Variants in ARHGAP26 observed in about 807,000 individuals in gnomAD.
The protein encoded by ARHGAP26 is Rho GTPase activating protein 26, also known as rho GTPase-activating protein 26.
ARHGAP26 carries 38 observed loss-of-function variants against 104.8 expected under a neutral mutation model. That is an observed-to-expected ratio of 0.36 (90% CI 0.28 to 0.48). ARHGAP26 has a LOEUF of 0.48. Among genes scored for constraint, ARHGAP26 ranks in the 20% least tolerant of loss-of-function variants. The pLI, the probability that ARHGAP26 is intolerant of heterozygous loss-of-function variation, is 0.99. For missense variants in ARHGAP26, 704 were observed against 947.9 expected, an observed-to-expected ratio of 0.74 and a Z score of 3.38; for synonymous variants, 341 against 340.0, an observed-to-expected ratio of 1.00 and a Z score of -0.03.
chr5:142,962,503 G>T (rs993536347), intron 11 of ARHGAP26, among the ~76,000 whole-genome samples: 5 of 152,104 alleles, frequency 3.3e-5, no homozygotes, highest in African/African-American at 1.2e-4. Context: ...ACGGATACAG[G>T]GCATCTTTAT....
chr5:142,773,860 A>G (rs1755755545), intron 1 of ARHGAP26, among the ~76,000 whole-genome samples: 1 of 152,346 alleles, frequency 6.6e-6, no homozygotes, highest in Non-Finnish European at 1.5e-5. Context: ...CAGTAAGGTA[A>G]GTAAGTGGTT....
In ARHGAP26 at chr5:143,103,799, G is replaced by C. The variant is rs186406093; in HGVS notation, c.1539-17189G>C. 2.2e-3 allele frequency among the ~76,000 whole-genome samples: 337 copies of C among 152,246 alleles called. 3 individuals carry two copies. The highest frequency in any genetic ancestry group is 7.3e-3 in the African/African-American group (305 of 41,536). On this transcript the variant is annotated intron_variant, in intron 17 of 22. Coordinates refer to ENST00000645722, the MANE Select transcript of ARHGAP26 (RefSeq NM_001135608.3). ...AGCATACACCGGGACCTAACAGGGG[G>C]TAGGGGGAAGAGGAGGATAACCTTG...
intron 20 of ARHGAP26, among the ~76,000 whole-genome samples, chr5:143,167,933 G>A (rs1802236338): frequency 6.6e-6 from 1 of 152,192 alleles, no homozygotes; most frequent in Non-Finnish European, 1.5e-5. Context: ...AGTTACAGGG[G>A]ATCGTGCCCT....
At chr5:143,187,249 G>A (rs958938869) in intron 20 of ARHGAP26, among the ~76,000 whole-genome samples, 3 of 152,166 alleles carry the variant, frequency 2.0e-5, no homozygotes, top group African/African-American at 7.2e-5. Flanking sequence ...CTAAACTCCT[G>A]CACTTAACTG....
At chr5:143,209,889 C>T (rs926665212) in intron 21 of ARHGAP26, among the ~76,000 whole-genome samples, 16 of 151,980 alleles carry the variant, frequency 1.1e-4, no homozygotes, top group Admixed American at 5.9e-4. Context: ...CAGAGAGGGC[C>T]GAAACCTGTA....
chr5:143,146,015 C>A (rs564922715), intron 19 of ARHGAP26, among the ~76,000 whole-genome samples: 104 of 152,246 alleles, frequency 6.8e-4, no homozygotes, highest in Non-Finnish European at 1.1e-3. Context: ...ATTATCATAC[C>A]AGTGACTCTA....
chr5:143,005,001 G>C (rs772658618), intron 11 of ARHGAP26, among the ~76,000 whole-genome samples: 1 of 152,150 alleles, frequency 6.6e-6, no homozygotes, highest in African/African-American at 2.4e-5. Flanking sequence ...TGACAGCACA[G>C]TTTCTCGTTC....
chr5:143,194,967 T>A (rs574702571), intron 20 of ARHGAP26, among the ~76,000 whole-genome samples: 1 of 152,242 alleles, frequency 6.6e-6, no homozygotes, highest in East Asian at 1.9e-4. Flanking sequence ...GTGTGGAAGA[T>A]ATAAATGGAG....
At chr5:142,870,843 G>A (rs953612347) in intron 1 of ARHGAP26, among the ~76,000 whole-genome samples, 2 of 152,148 alleles carry the variant, frequency 1.3e-5, no homozygotes, top group African/African-American at 4.8e-5. Context: ...GGTTGGGGTT[G>A]ATCACCCTGT....
At chr5:143,208,935 C>T (rs1257943540) in intron 21 of ARHGAP26, among the ~76,000 whole-genome samples, 4 of 152,172 alleles carry the variant, frequency 2.6e-5, no homozygotes, top group Admixed American at 2.0e-4. Context: ...CATCAACTTT[C>T]TAAGATACCA....
intron 20 of ARHGAP26, among the ~76,000 whole-genome samples, chr5:143,196,360 A>G (rs939340053): frequency 8.5e-5 from 13 of 152,130 alleles, no homozygotes; most frequent in African/African-American, 2.9e-4. Context: ...CGCGGTAGTC[A>G]TGTTCTATAA....
chr5:142,841,487 C>G (rs1770789298), intron 1 of ARHGAP26, among the ~76,000 whole-genome samples: 1 of 152,176 alleles, frequency 6.6e-6, no homozygotes, highest in African/African-American at 2.4e-5. Context: ...TGTATTGAAT[C>G]CTTGGAGCCT....
In ARHGAP26 at chr5:143,224,401, TG is replaced by T; in HGVS notation, c.*1958del. 4.4e-6 allele frequency: 1 copy of T among 229,074 alleles called. No homozygotes were observed. Among genetic ancestry groups the T allele is most frequent in the Non-Finnish European group, 8.7e-6 (1 of 115,338 alleles). 14.2% of individuals were successfully genotyped at this position (229,074 alleles called of 1,614,324 possible). ...TCTTTATGTGTTTTTAAGCATCCCT[TG>T]GGCTTTGGATTTGGAGATGGGAAGA... is the stretch of plus-strand genomic sequence containing the variant. On this transcript the variant is annotated 3_prime_UTR_variant, in exon 23 of 23. Coordinates refer to ENST00000645722, the MANE Select transcript of ARHGAP26 (RefSeq NM_001135608.3).
intron 17 of ARHGAP26, chr5:143,058,132 G>C (rs1786132634): frequency 2.2e-6 from 1 of 446,690 alleles, no homozygotes; most frequent in African/African-American, 2.0e-5. Flanking sequence ...ACAGAATTTG[G>C]GTTTTTAGTA....
intron 11 of ARHGAP26, among the ~76,000 whole-genome samples, chr5:142,985,194 GA>G (rs1422295385): frequency 6.6e-6 from 1 of 151,856 alleles, no homozygotes; most frequent in East Asian, 1.9e-4. Flanking sequence ...GTTGAATAAG[GA>G]AAAAATACTT....
At chr5:143,011,263 G>A (rs1002093405) in intron 11 of ARHGAP26, among the ~76,000 whole-genome samples, 6 of 150,056 alleles carry the variant, frequency 4.0e-5, no homozygotes, top group African/African-American at 1.2e-4. Context: ...CATCTCTTCC[G>A]AGAGGCATTT....
intron 12 of ARHGAP26, among the ~76,000 whole-genome samples, chr5:143,032,625 T>C (rs1782041531): frequency 6.6e-6 from 1 of 152,190 alleles, no homozygotes; most frequent in Non-Finnish European, 1.5e-5. Flanking sequence ...GGAATTTGCT[T>C]TTCAGACTAG....
chr5:143,227,054 G>C lies in ARHGAP26; in HGVS notation c.*4608G>C, dbSNP rs1562651436. On this transcript the variant is annotated 3_prime_UTR_variant, in exon 23 of 23. Transcript: ENST00000645722. ...AGGGGGAGAAAGACAGAAAGAAGAA[G>C]CCAAAGATAACCTGATCCCTGCCTG... is the stretch of plus-strand genomic sequence containing the variant. 4.3e-6 allele frequency: 1 copy of C among 230,352 alleles called. No individual in the cohort carries two copies. The highest frequency in any genetic ancestry group is 8.6e-6 in the Non-Finnish European group (1 of 116,358). The allele number at this position is 230,352 out of a possible 1,614,324, so 14.3% of individuals were successfully genotyped here. A position where few individuals can be genotyped will look rare whatever the true frequency, so the allele number is the denominator to read the frequency against.
chr5:142,785,916 T>C (rs1196471727), intron 1 of ARHGAP26, among the ~76,000 whole-genome samples: 1 of 152,092 alleles, frequency 6.6e-6, no homozygotes, highest in Non-Finnish European at 1.5e-5. Flanking sequence ...TCACTGTGTC[T>C]GGCCTTCTAC....
Sources: gnomAD v4.1 joint callset for allele counts (sites outside exome capture counted in the v4.1 genomes callset) on GRCh38, gnomAD v4.1.1 for gene constraint, MANE v1.5 for transcripts, NCBI Gene and HGNC (gene_info 2026-07-23, HGNC 2026-07-21) for gene names.